The following BMS1 variants were observed in gnomAD, a reference collection of about 807,000 sequenced individuals.
The protein encoded by BMS1 is ribosome biogenesis protein BMS1 homolog.
A neutral mutation model predicts 138.7 loss-of-function variants in BMS1; 53 were observed. That is an observed-to-expected ratio of 0.38 (90% CI 0.31 to 0.48). The LOEUF (loss-of-function observed/expected upper bound fraction) is 0.48. Ranked by LOEUF, BMS1 falls within the 20% of genes least tolerant of loss-of-function variation. The pLI is 0.97. For synonymous variants in BMS1, 504 were observed against 539.9 expected (o/e 0.93, Z 0.92); for missense variants, 1,360 against 1,565.5 (o/e 0.87, Z 2.22).
Position 42,830,402 on chromosome 10 carries a change from C to G in BMS1, c.3598C>G (p.Arg1200Gly), listed in dbSNP as rs748630867. 1 of 1,609,046 alleles carries G rather than the reference C, an allele frequency of 6.2e-7. No individual in the cohort carries two copies. The highest frequency in any genetic ancestry group is 8.5e-7 in the Non-Finnish European group (1 of 1,178,956). The change falls in exon 22 of 23, where the codon CGC (arginine) becomes GGC (glycine). Residue 1200 changes from arginine (R) to glycine (G), a missense_variant. Around this residue, in one of 3 missense-constraint regions of BMS1, gnomAD observed 425 missense variants for 568.3 expected, o/e 0.75. Coordinates refer to ENST00000374518, the MANE Select transcript of BMS1 (RefSeq NM_014753.4). ...GGACAGGCGGAGACCGGCCGTCATACGCGAGCCTCATGAAAGAAAGGTACT... is the reference window on the plus strand; with the variant it reads ...GGACAGGCGGAGACCGGCCGTCATAGGCGAGCCTCATGAAAGAAAGGTACT... ...PKDRRRPAVI[R>G]EPHERKILAL... is the part of the protein sequence containing the mutation.
chr10:42,788,675 A>G (rs1443197728), intron 4 of BMS1, among the ~76,000 whole-genome samples: 1 of 152,122 alleles, frequency 6.6e-6, no homozygotes, highest in Non-Finnish European at 1.5e-5. Context: ...TCATTGAGAG[A>G]GATGCCCATT....
intron 13 of BMS1, among the ~76,000 whole-genome samples, chr10:42,815,666 G>T (rs184507451): frequency 6.6e-6 from 1 of 152,256 alleles, no homozygotes; most frequent in East Asian, 1.9e-4. Context: ...GGCCCCCAAA[G>T]TGCTGGGTTT....
At chr10:42,828,265 C>G (rs952000564) in intron 21 of BMS1, among the ~76,000 whole-genome samples, 2 of 152,242 alleles carry the variant, frequency 1.3e-5, no homozygotes, top group African/African-American at 4.8e-5. Flanking sequence ...CAGAACACAT[C>G]CATGTTCTTG....
intron 21 of BMS1, among the ~76,000 whole-genome samples, chr10:42,829,615 A>T (rs1842746618): frequency 6.6e-6 from 1 of 152,026 alleles, no homozygotes; most frequent in Non-Finnish European, 1.5e-5. Flanking sequence ...GGAGTTCAAG[A>T]TTTCAAGACC....
intron 13 of BMS1, among the ~76,000 whole-genome samples, chr10:42,807,427 T>C (rs1842044435): frequency 1.3e-5 from 2 of 152,196 alleles, no homozygotes; most frequent in African/African-American, 4.8e-5. Flanking sequence ...TACCGGTTTG[T>C]TTAACCATTC....
chr10:42,833,071 T>G lies in BMS1; in HGVS notation c.*1975T>G, dbSNP rs1842826986. Reference sequence around the variant, plus strand: ...ATTTATAATTGTATAGTTTTATATTTTAGCCAGAAGAGTGGAATCCTTTAG... The same window carrying G: ...ATTTATAATTGTATAGTTTTATATTGTAGCCAGAAGAGTGGAATCCTTTAG... On this transcript the variant is annotated 3_prime_UTR_variant, in exon 23 of 23. Coordinates refer to ENST00000374518, the MANE Select transcript of BMS1 (RefSeq NM_014753.4). The G allele has an allele frequency of 6.6e-6, 1 of 152,212 alleles. No homozygotes were observed. Among genetic ancestry groups the G allele is most frequent in the Non-Finnish European group, 1.5e-5 (1 of 68,040 alleles). 9.4% of individuals were successfully genotyped at this position (152,212 alleles called of 1,614,324 possible).
At position 42,798,449 on chromosome 10, in the gene BMS1, G is replaced by A. The variant is rs369559737; in HGVS notation, c.2090-19G>A. ...CTGTAATTTTTGTTCTCACTTTTCT[G>A]CCATGGTGTGCTCTTTAGTGACAGA... On this transcript the variant is annotated intron_variant, in intron 11 of 22. Transcript: ENST00000374518. The A allele has an allele frequency of 1.9e-6, 3 of 1,613,938 alleles. No individual in the cohort carries two copies. The African/African-American group carries it at 4.0e-5, about 22-fold the overall frequency.
chr10:42,793,806 G>T (rs1324979131), intron 8 of BMS1, 46 bp from the exon 9 acceptor site: 7 of 1,576,280 alleles, frequency 4.4e-6, no homozygotes, highest in Non-Finnish European at 6.0e-6. Context: ...GTCTCTCCAG[G>T]ATCTTTGTGC....
rs1366370226 is a variant in BMS1, at chr10:42,794,001, C to CT, written c.1229+17dup. 1.9e-6 allele frequency: 3 copies of CT among 1,610,266 alleles called. No individual in the cohort carries two copies. The highest frequency in any genetic ancestry group is 2.5e-6 in the Non-Finnish European group (3 of 1,179,250). ...ATATAGATAATCAAGGGTAAGTCTGCTTTTTTTCTATTTTTAATAAAAAGA... is the reference window on the plus strand; with the variant it reads ...ATATAGATAATCAAGGGTAAGTCTGCTTTTTTTTCTATTTTTAATAAAAAGA... On this transcript the variant is annotated intron_variant, in intron 9 of 22. Coordinates refer to ENST00000374518, the MANE Select transcript of BMS1 (RefSeq NM_014753.4).
At chr10:42,791,582 A>G (rs1216307560) in intron 5 of BMS1, 45 bp from the exon 6 acceptor site, 55 of 1,540,110 alleles carry the variant, frequency 3.6e-5, no homozygotes, top group Non-Finnish European at 4.5e-5. Flanking sequence ...AGTATTGATG[A>G]TAATTTAATT....
intron 14 of BMS1, 124 bp from the exon 15 acceptor site, chr10:42,817,194 T>G: frequency 1.3e-6 from 1 of 786,350 alleles, no homozygotes; most frequent in Non-Finnish European, 2.0e-6. Flanking sequence ...TTTTCTTTTG[T>G]TTTATTGATA....
At chr10:42,830,041 A>G (rs558576674) in intron 21 of BMS1, among the ~76,000 whole-genome samples, 1 of 152,210 alleles carries the variant, frequency 6.6e-6, no homozygotes, top group South Asian at 2.1e-4. Context: ...GGAGAGTTGT[A>G]AGTGTAAGCT....
chr10:42,809,346 C>T (rs1030906887), intron 13 of BMS1, among the ~76,000 whole-genome samples: 9 of 151,930 alleles, frequency 5.9e-5, no homozygotes, highest in African/African-American at 1.9e-4. Flanking sequence ...ATTGTCTACA[C>T]AGACAGTTGT....
chr10:42,807,292 C>T (rs111246246), intron 13 of BMS1, among the ~76,000 whole-genome samples: 5 of 152,250 alleles, frequency 3.3e-5, no homozygotes, highest in African/African-American at 1.2e-4. Context: ...CAGAATCATA[C>T]AGTCTATAAA....
chr10:42,819,695 A>T (rs61844826), intron 15 of BMS1, among the ~76,000 whole-genome samples: 9,771 of 152,326 alleles, frequency 0.064, 461 homozygotes, highest in Non-Finnish European at 0.092. Flanking sequence ...AGGGCTCCAC[A>T]GTTATCTACA....
chr10:42,815,936 C>T (rs573222830), intron 13 of BMS1, among the ~76,000 whole-genome samples: 2 of 152,268 alleles, frequency 1.3e-5, no homozygotes, highest in South Asian at 4.1e-4. Flanking sequence ...CTGGTATCAG[C>T]GTGGAGCTTT....
At chr10:42,802,003 G>T in intron 12 of BMS1, 134 bp from the exon 13 acceptor site, 2 of 587,854 alleles carry the variant, frequency 3.4e-6, no homozygotes, top group Non-Finnish European at 6.0e-6. Context: ...GTTATTTTCT[G>T]GGCTCATTTG....
rs1842562010 is a variant in BMS1 at position 42,823,605 on chromosome 10, T to G, written c.3281-4T>G. The G allele has an allele frequency of 6.5e-7, 1 of 1,527,088 alleles. No individual in the cohort carries two copies. Among genetic ancestry groups the G allele is most frequent in the Non-Finnish European group, 8.7e-7 (1 of 1,146,566 alleles). The allele number at this position is 1,527,088 out of a possible 1,614,324, so 94.6% of individuals were successfully genotyped here. A position where few individuals can be genotyped will look rare whatever the true frequency, so the allele number is the denominator to read the frequency against. ...ATGTTAAAGTAAATTACCTCTCTTTTCAGATATTGTCTTCATGCGAACTTG... is the reference window on the plus strand; with the variant it reads ...ATGTTAAAGTAAATTACCTCTCTTTGCAGATATTGTCTTCATGCGAACTTG... On this transcript the variant is annotated splice_region_variant and splice_polypyrimidine_tract_variant and intron_variant, in intron 20 of 22. Transcript: ENST00000374518.
intron 13 of BMS1, among the ~76,000 whole-genome samples, chr10:42,807,597 A>G (rs1445697621): frequency 6.6e-6 from 1 of 152,132 alleles, no homozygotes; most frequent in East Asian, 1.9e-4. Context: ...CAGCACCCCC[A>G]AGGAGCTGGG....
Sources: allele counts gnomAD v4.1 joint callset (sites outside exome capture counted in the v4.1 genomes callset), GRCh38; gene constraint gnomAD v4.1.1; regional missense constraint gnomAD v4.1.1; transcripts MANE v1.5; gene names NCBI Gene and HGNC (gene_info 2026-07-23, HGNC 2026-07-21).